USP7: variants seen among roughly 807,000 people sequenced by gnomAD.
USP7 encodes the protein ubiquitin specific peptidase 7, also known as ubiquitin C-terminal hydrolase 7.
USP7 carries 9 observed loss-of-function variants against 162.9 expected under a neutral mutation model. That is an observed-to-expected ratio of 0.06 (90% CI 0.03 to 0.10). USP7 has a LOEUF of 0.10. USP7 is among the 10% of genes least tolerant of loss of function. The probability of loss-of-function intolerance (pLI) is 1.00; values close to 1 mark genes in which losing one functional copy is unlikely to be tolerated. For missense variants in USP7, 715 were observed against 1,373.7 expected (o/e 0.52, Z 7.58); for synonymous variants, 562 against 475.9 (o/e 1.18, Z -2.35).
At chr16:8,961,416 C>T (rs1440782403) in intron 1 of USP7, among the ~76,000 whole-genome samples, 1 of 146,104 alleles carries the variant, frequency 6.8e-6, no homozygotes, top group Admixed American at 7.2e-5. Flanking sequence ...CGCTTGAACC[C>T]GGGAGACGGA....
chr16:8,938,988 G>A (rs978944859), intron 1 of USP7, among the ~76,000 whole-genome samples: 11 of 152,056 alleles, frequency 7.2e-5, no homozygotes, highest in Non-Finnish European at 1.5e-4. Context: ...TAATACCAAG[G>A]GACAGGGAGA....
At chr16:8,954,901 A>C (rs1014954956) in intron 1 of USP7, among the ~76,000 whole-genome samples, 3 of 152,232 alleles carry the variant, frequency 2.0e-5, no homozygotes, top group Non-Finnish European at 4.4e-5. Context: ...CAGAGGTTGC[A>C]GTGAGCCAAG....
chr16:8,892,286 G>C lies in USP7; in HGVS notation c.*1712C>G, dbSNP rs1245166173. 1 of 152,380 alleles carries C rather than the reference G, an allele frequency of 6.6e-6. No individual in the cohort carries two copies. The highest frequency in any genetic ancestry group is 2.4e-5 in the African/African-American group (1 of 41,456). 9.4% of individuals were successfully genotyped at this position (152,380 alleles called of 1,614,324 possible). A position where few individuals can be genotyped will look rare whatever the true frequency, so the allele number is the denominator to read the frequency against. ...TGGGGGAGGAAGGAGGGAAGGGCCAGGTCCGCGGGGACCCTCACTCCCTGC... is the reference window on the plus strand; with the variant it reads ...TGGGGGAGGAAGGAGGGAAGGGCCACGTCCGCGGGGACCCTCACTCCCTGC... On this transcript the variant is annotated 3_prime_UTR_variant, in exon 31 of 31. Coordinates refer to ENST00000344836, the MANE Select transcript of USP7 (RefSeq NM_003470.3).
Position 8,948,502 on chromosome 16 carries a change from A to ATAAG in USP7, c.79+14704_79+14705insCTTA, listed in dbSNP as rs547013027. On this transcript the variant is annotated intron_variant, in intron 1 of 30. Coordinates refer to ENST00000344836, the MANE Select transcript of USP7 (RefSeq NM_003470.3). ...ACCTGGCCCCCAGTTAACTCAACTT[A>ATAAG]GTAAGTGAAGCATATTCCTAACTGC... Among the ~76,000 whole-genome samples, 206 of 152,316 alleles carry ATAAG rather than the reference A, an allele frequency of 1.4e-3. 1 individual carries two copies. Among genetic ancestry groups the ATAAG allele is most frequent in the African/African-American group, 4.8e-3 (199 of 41,566 alleles).
intron 4 of USP7, 75 bp from the exon 5 acceptor site, chr16:8,920,522 T>G (rs1897627343): frequency 8.0e-7 from 1 of 1,245,450 alleles, no homozygotes; most frequent in Non-Finnish European, 1.1e-6. Context: ...ATTACATTAG[T>G]GCCCTGTACT....
rs771965900 is a variant in USP7 at position 8,901,279 on chromosome 16, C to T, written c.2048-45G>A. 6 of 1,285,078 alleles carry T rather than the reference C, an allele frequency of 4.7e-6. No homozygotes were observed. The East Asian group carries it at 1.4e-4, about 30-fold the overall frequency. 79.6% of individuals were successfully genotyped at this position (1,285,078 alleles called of 1,614,324 possible). ...GTTTTGTTAAGATCCAAACACTCAG[C>T]ACAATGCTTAAAAAACAAAAAAACA... On this transcript the variant is annotated intron_variant, in intron 18 of 30. Transcript: ENST00000344836.
chr16:8,928,757 G>A (rs982497101), intron 2 of USP7, among the ~76,000 whole-genome samples: 2 of 152,192 alleles, frequency 1.3e-5, no homozygotes, highest in African/African-American at 4.8e-5. Flanking sequence ...GTCACAAGAA[G>A]GGCATTTCCA....
intron 1 of USP7, among the ~76,000 whole-genome samples, chr16:8,937,220 A>G (rs1898792556): frequency 6.6e-6 from 1 of 151,990 alleles, no homozygotes; most frequent in Non-Finnish European, 1.5e-5. Flanking sequence ...TTTTAAAAAA[A>G]AAAGGATTAA....
At chr16:8,910,865 T>G (rs1284788966) in intron 10 of USP7, 38 bp from the exon 11 acceptor site, 2 of 1,550,840 alleles carry the variant, frequency 1.3e-6, no homozygotes, top group African/African-American at 2.7e-5. Flanking sequence ...GTGCTAAAGC[T>G]TCATTTATAA....
rs2032962356 is a variant in USP7, at chr16:8,930,410, AAAAG to A, written c.80-17_80-14del. The A allele has an allele frequency of 6.3e-7, 1 of 1,594,058 alleles. No individual in the cohort carries two copies. The highest frequency in any genetic ancestry group is 1.4e-5 in the African/African-American group (1 of 73,764). On this transcript the variant is annotated splice_polypyrimidine_tract_variant and intron_variant, in intron 1 of 30. Transcript: ENST00000344836. ...TCTGTATCTCCCGCTTTAAAGAAGA[AAAAG>A]AAATTCCACGGGTTTTACATTCATG...
intron 20 of USP7, 124 bp from the exon 21 acceptor site, chr16:8,900,754 T>C: frequency 2.6e-6 from 2 of 770,746 alleles, no homozygotes; most frequent in Non-Finnish European, 4.1e-6. Context: ...TAAGTTAAAA[T>C]GTTAACAGGA....
rs993503673 is a variant in USP7, at chr16:8,894,873, A to G, written c.3040-18T>C. Reference sequence around the variant, plus strand: ...TGCTCGCCCTAGAATGGCAAAGGACATGTGCTCACACAGTCACTCCCAGCA... The same window carrying G: ...TGCTCGCCCTAGAATGGCAAAGGACGTGTGCTCACACAGTCACTCCCAGCA... On this transcript the variant is annotated intron_variant, in intron 28 of 30. Transcript: ENST00000344836. 2 of 1,614,018 alleles carry G rather than the reference A, an allele frequency of 1.2e-6. No individual in the cohort carries two copies. The highest frequency in any genetic ancestry group is 1.3e-5 in the African/African-American group (1 of 74,924).
At chr16:8,906,377 T>C in intron 13 of USP7, 49 bp downstream of exon 13, 1 of 1,587,864 alleles carries the variant, frequency 6.3e-7, no homozygotes, top group Non-Finnish European at 8.6e-7. Context: ...GCAGAGCTTG[T>C]GTTAACTTTC....
chr16:8,919,256 T>G (rs1203193035), intron 5 of USP7, 117 bp from the exon 6 acceptor site: 2 of 914,668 alleles, frequency 2.2e-6, no homozygotes, highest in Non-Finnish European at 3.5e-6. Context: ...GGAACACTTA[T>G]CACACAGCAT....
intron 30 of USP7, 28 bp downstream of exon 30, chr16:8,894,522 C>T: frequency 2.0e-6 from 3 of 1,499,468 alleles, no homozygotes; most frequent in Non-Finnish European, 2.7e-6. Context: ...AAACCCACAC[C>T]AGCCCCCGGG....
intron 1 of USP7, among the ~76,000 whole-genome samples, chr16:8,956,583 G>A (rs1198490748): frequency 1.3e-5 from 2 of 152,074 alleles, no homozygotes; most frequent in Non-Finnish European, 2.9e-5. Flanking sequence ...TGGGCAACAT[G>A]GTGAAACGCC....
At chr16:8,933,696 C>T (rs1044459484) in intron 1 of USP7, among the ~76,000 whole-genome samples, 3 of 152,034 alleles carry the variant, frequency 2.0e-5, no homozygotes, top group Non-Finnish European at 4.4e-5. Flanking sequence ...GCAATCCACC[C>T]CTCTCAGTCT....
At chr16:8,957,914 C>T (rs1211226613) in intron 1 of USP7, among the ~76,000 whole-genome samples, 2 of 152,090 alleles carry the variant, frequency 1.3e-5, no homozygotes, top group African/African-American at 4.8e-5. Flanking sequence ...ATCAAAAAAA[C>T]ACCATTACAT....
rs1384168897 is a variant in USP7, at chr16:8,910,831, TAAAG to T, written c.1079-8_1079-5del. On this transcript the variant is annotated splice_polypyrimidine_tract_variant and splice_region_variant and intron_variant, in intron 10 of 30. Coordinates refer to ENST00000344836, the MANE Select transcript of USP7 (RefSeq NM_003470.3). ...TAATCCACAAATGATTCAAATACTT[TAAAG>T]AGAGAGAGAGAAAAGTCAAGTGCTA... 2.5e-6 allele frequency: 4 copies of T among 1,612,756 alleles called. No individual in the cohort carries two copies. Among genetic ancestry groups the T allele is most frequent in the Non-Finnish European group, 3.4e-6 (4 of 1,179,246 alleles).
Sources: allele counts gnomAD v4.1 joint callset (sites outside exome capture counted in the v4.1 genomes callset), GRCh38; gene constraint gnomAD v4.1.1; transcripts MANE v1.5; gene names NCBI Gene and HGNC (gene_info 2026-07-23, HGNC 2026-07-21).